Variants in CDC37L1 observed in about 807,000 individuals in gnomAD.
The protein encoded by CDC37L1 is cell division cycle 37 like 1, HSP90 cochaperone.
CDC37L1 carries 32 observed loss-of-function variants against 45.9 expected under a neutral mutation model. That is an observed-to-expected ratio of 0.70 (90% confidence interval 0.53 to 0.94). The LOEUF (loss-of-function observed/expected upper bound fraction) is 0.94. Ranked by LOEUF, CDC37L1 falls within the 40% of genes least tolerant of loss-of-function variation. The probability of loss-of-function intolerance (pLI) is 0.00; values close to 1 mark genes in which losing one functional copy is unlikely to be tolerated. For synonymous variants in CDC37L1, 150 were observed against 133.0 expected (o/e 1.13, Z -0.88); for missense variants, 434 against 405.7 (o/e 1.07, Z -0.60).
intron 3 of CDC37L1, among the ~76,000 whole-genome samples, chr9:4,692,984 A>G (rs1438431951): frequency 1.3e-5 from 2 of 152,206 alleles, no homozygotes; most frequent in Admixed American, 6.5e-5. Context: ...ACGTGCAGGC[A>G]TATCAGTAGA....
chr9:4,696,201 T>A (rs542150071), intron 3 of CDC37L1, among the ~76,000 whole-genome samples: 2 of 152,358 alleles, frequency 1.3e-5, no homozygotes, highest in Non-Finnish European at 2.9e-5. Flanking sequence ...TCTTGTGTAC[T>A]GATGTGGAAT....
intron 3 of CDC37L1, among the ~76,000 whole-genome samples, chr9:4,691,676 C>T (rs1215788723): frequency 2.6e-5 from 4 of 151,974 alleles, no homozygotes; most frequent in Non-Finnish European, 4.4e-5. Flanking sequence ...CCTAACTTTT[C>T]CCTTATACAA....
At chr9:4,685,272 G>A in intron 2 of CDC37L1, 114 bp downstream of exon 2, 1 of 838,968 alleles carries the variant, frequency 1.2e-6, no homozygotes, top group Non-Finnish European at 1.9e-6. Context: ...GTTCAATTTT[G>A]ACAGTTTATG....
In CDC37L1 at chr9:4,701,943, C is replaced by A; in HGVS notation, c.827C>A (p.Ser276Ter). The part of the protein sequence containing the change: ...FKSRVRLYSQ[S>*]QSFQPMTVQN... ...TCAAGAGTAAGACTTTATTCTCAAT[C>A]ACAAAGTTTTCAACCTATGACAGTT... Residue 276 changes from serine (S) to a stop codon, truncating the protein, a stop_gained, in exon 6 of 7, where the codon TCA becomes TAA. Coordinates refer to ENST00000381854, the MANE Select transcript of CDC37L1 (RefSeq NM_017913.4). LOFTEE classifies it high-confidence loss of function. 1 of 1,591,930 alleles carries A rather than the reference C, an allele frequency of 6.3e-7. No homozygotes were observed. The highest frequency in any genetic ancestry group is 1.1e-5 in the South Asian group (1 of 87,862).
At chr9:4,688,456 A>G (rs1841270971) in intron 2 of CDC37L1, 57 bp from the exon 3 acceptor site, 1 of 950,506 alleles carries the variant, frequency 1.1e-6, no homozygotes, top group Non-Finnish European at 1.5e-6. Context: ...AGTATCTGAG[A>G]AAGAAGATTC....
chr9:4,701,715 T>C (rs1403712157), intron 5 of CDC37L1, 149 bp from the exon 6 acceptor site: 2 of 507,562 alleles, frequency 3.9e-6, no homozygotes, highest in Non-Finnish European at 6.8e-6. Context: ...TTTTCACAAA[T>C]GTGACAGGGA....
intron 1 of CDC37L1, among the ~76,000 whole-genome samples, chr9:4,682,595 G>C (rs897588823): frequency 6.6e-6 from 1 of 151,998 alleles, no homozygotes; most frequent in African/African-American, 2.4e-5. Context: ...GAAGTGCTGG[G>C]ATTACAGGTG....
intron 1 of CDC37L1, among the ~76,000 whole-genome samples, chr9:4,684,238 C>T (rs999320536): frequency 2.6e-5 from 4 of 152,120 alleles, no homozygotes; most frequent in Admixed American, 1.3e-4. Flanking sequence ...GAACTGAGAT[C>T]GCACCTTTGC....
rs1841401387 is a variant in CDC37L1 at position 4,701,906 on chromosome 9, G to C, written c.790G>C (p.Glu264Gln). 1.2e-6 allele frequency: 2 copies of C among 1,604,382 alleles called. No individual in the cohort carries two copies. Among genetic ancestry groups the C allele is most frequent in the Admixed American group, 1.7e-5 (1 of 58,400 alleles). Residue 264 changes from glutamate (E) to glutamine (Q), a missense_variant, in exon 6 of 7, where the codon GAA (glutamate) becomes CAA (glutamine). By Grantham distance (29) the Glu-to-Gln change is conservative. Transcript: ENST00000381854. ...GYFEAFKNEL[E>Q]AFKSRVRLYS... ...TTTTGAAGCATTCAAAAATGAACTT[G>C]AAGCTTTCAAGTCAAGAGTAAGACT... is the stretch of plus-strand genomic sequence containing the variant.
intron 1 of CDC37L1, among the ~76,000 whole-genome samples, chr9:4,681,596 A>G (rs141214698): frequency 8.4e-4 from 128 of 152,232 alleles, no homozygotes; most frequent in Non-Finnish European, 1.3e-3. Context: ...AGATCACACC[A>G]TTGCATTCCA....
intron 3 of CDC37L1, among the ~76,000 whole-genome samples, chr9:4,693,844 T>C (rs376990155): frequency 5.9e-5 from 9 of 152,192 alleles, no homozygotes; most frequent in African/African-American, 1.9e-4. Context: ...ATGAAAATCC[T>C]GAGTTAGGTA....
intron 2 of CDC37L1, chr9:4,685,398 C>A: frequency 2.7e-6 from 1 of 375,928 alleles, no homozygotes; most frequent in Non-Finnish European, 4.9e-6. Context: ...AAATGTACTG[C>A]TGAACAAATA....
At position 4,679,893 on chromosome 9, in the gene CDC37L1, C is replaced by G; in HGVS notation, c.126C>G (p.Gly42=). 1 of 1,613,720 alleles carries G rather than the reference C, an allele frequency of 6.2e-7. No homozygotes were observed. Among genetic ancestry groups the G allele is most frequent in the Non-Finnish European group, 8.5e-7 (1 of 1,179,892 alleles). ...GCTGCCCGCAGCTGCCAGGCGGCGG[C>G]GCCCAGGTGAGAAGGGGCCTGCGTT... ...SPRCPQLPGG[G]AQMYSHGIEL... Residue 42 remains glycine (G), a synonymous_variant, in exon 1 of 7, where the codon GGC becomes GGG. Transcript: ENST00000381854.
At chr9:4,685,719 A>G (rs1841240948) in intron 2 of CDC37L1, among the ~76,000 whole-genome samples, 1 of 152,198 alleles carries the variant, frequency 6.6e-6, no homozygotes, top group African/African-American at 2.4e-5. Context: ...AGACTTTTAA[A>G]ATCTCATGTT....
At chr9:4,699,279 G>A (rs1360442863) in intron 5 of CDC37L1, among the ~76,000 whole-genome samples, 1 of 152,148 alleles carries the variant, frequency 6.6e-6, no homozygotes, top group Non-Finnish European at 1.5e-5. Flanking sequence ...AACTGTTTGA[G>A]CATCGACATG....
chr9:4,706,153 A>G lies in CDC37L1; in HGVS notation c.*41A>G. 1 of 973,900 alleles carries G rather than the reference A, an allele frequency of 1.0e-6. No homozygotes were observed. Among genetic ancestry groups the G allele is most frequent in the Non-Finnish European group, 1.7e-6 (1 of 602,438 alleles). 60.3% of individuals were successfully genotyped at this position (973,900 alleles called of 1,614,324 possible). A position where few individuals can be genotyped will look rare whatever the true frequency, so the allele number is the denominator to read the frequency against. Reference sequence around the variant, plus strand: ...TGAGGCCAAGTGCTATTTTGTTACAAGAAAGGAAGAACTTGGCTATTTTCT... The same window carrying G: ...TGAGGCCAAGTGCTATTTTGTTACAGGAAAGGAAGAACTTGGCTATTTTCT... On this transcript the variant is annotated 3_prime_UTR_variant, in exon 7 of 7. Coordinates refer to ENST00000381854, the MANE Select transcript of CDC37L1 (RefSeq NM_017913.4).
At chr9:4,701,723 G>A (rs1051814211) in intron 5 of CDC37L1, 141 bp from the exon 6 acceptor site, 5 of 520,388 alleles carry the variant, frequency 9.6e-6, no homozygotes, top group Admixed American at 3.8e-5. Context: ...AATGTGACAG[G>A]GATCGTGGTG....
intron 3 of CDC37L1, among the ~76,000 whole-genome samples, chr9:4,696,270 T>C (rs920713789): frequency 5.3e-5 from 8 of 152,234 alleles, no homozygotes; most frequent in African/African-American, 1.9e-4. Flanking sequence ...AACTCTTGAG[T>C]CAGCTCTACA....
At chr9:4,705,754 G>A (rs922938085) in intron 6 of CDC37L1, among the ~76,000 whole-genome samples, 1 of 152,026 alleles carries the variant, frequency 6.6e-6, no homozygotes, top group Admixed American at 6.6e-5. Flanking sequence ...GAGAAGAAAG[G>A]TGGTATTTGT....
Sources: gnomAD v4.1 joint callset for allele counts (sites outside exome capture counted in the v4.1 genomes callset) on GRCh38, gnomAD v4.1.1 for gene constraint, MANE v1.5 for transcripts, NCBI Gene and HGNC (gene_info 2026-07-23, HGNC 2026-07-21) for gene names.